Variants in FMR1 observed in about 807,000 individuals in gnomAD.
The protein encoded by FMR1 is fragile X messenger ribonucleoprotein 1, also known as FMRP translational regulator 1.
A neutral mutation model predicts 50.6 loss-of-function variants in FMR1; 13 were observed. That is an observed-to-expected ratio of 0.26 (90% CI 0.17 to 0.41). The LOEUF (loss-of-function observed/expected upper bound fraction) is 0.41, where lower values mean the gene tolerates loss of function less well. FMR1 is among the 10% of genes least tolerant of loss of function. The pLI is 1.00. For missense variants in FMR1, 316 were observed against 491.3 expected (o/e 0.64, Z 3.37); for synonymous variants, 138 against 164.1 (o/e 0.84, Z 1.22).
At chrX:147,922,663 T>C (rs1387571105) in intron 2 of FMR1, among the ~76,000 whole-genome samples, 1 of 111,970 alleles carries the variant, frequency 8.9e-6, no homozygotes, top group Non-Finnish European at 1.9e-5. Flanking sequence ...AAAGTACATA[T>C]AAACTCCTTA....
chrX:147,929,841 T>C (rs1323862746), intron 5 of FMR1, 107 bp from the exon 6 acceptor site: 35 of 551,260 alleles, frequency 6.3e-5, no homozygotes, highest in Non-Finnish European at 1.1e-4. Flanking sequence ...TTTGCATAAA[T>C]CAAATTTAAT....
intron 1 of FMR1, chrX:147,913,052 C>A (rs190171250): frequency 4.9e-6 from 1 of 206,074 alleles, no homozygotes; most frequent in African/African-American, 2.9e-5. Flanking sequence ...TTTCCAAAGA[C>A]CTAAATATAT....
chrX:147,929,104 C>T (rs2043493376), intron 5 of FMR1, among the ~76,000 whole-genome samples: 1 of 112,061 alleles, frequency 8.9e-6, no homozygotes, highest in Non-Finnish European at 1.9e-5. Flanking sequence ...GATTTAAAAA[C>T]TGATCAAACA....
At chrX:147,913,190 T>C (rs1557174283) in intron 1 of FMR1, 1 of 113,590 alleles carries the variant, frequency 8.8e-6, no homozygotes, top group African/African-American at 3.2e-5. Context: ...GGTGTTGCAG[T>C]GGACTGAATT....
chrX:147,918,452 A>G (rs2042979861), intron 1 of FMR1, among the ~76,000 whole-genome samples: 1 of 109,743 alleles, frequency 9.1e-6, no homozygotes. Context: ...CATTAACTCA[A>G]AGGCAGTGGC....
intron 7 of FMR1, 107 bp from the exon 8 acceptor site, chrX:147,932,318 T>C (rs962043947): frequency 4.3e-6 from 3 of 704,483 alleles, no homozygotes; most frequent in Non-Finnish European, 6.8e-6. Context: ...TATTAATAAT[T>C]TATGGACCCC....
At chrX:147,920,020 C>A (rs1321773856) in intron 1 of FMR1, among the ~76,000 whole-genome samples, 1 of 112,200 alleles carries the variant, frequency 8.9e-6, no homozygotes. Flanking sequence ...TTACTGAGGA[C>A]ACCGAAGTTA....
intron 1 of FMR1, among the ~76,000 whole-genome samples, chrX:147,915,021 T>A (rs1352589052): frequency 8.9e-6 from 1 of 111,833 alleles, no homozygotes; most frequent in East Asian, 2.8e-4. Context: ...GATGGAAAAA[T>A]CACATGTTGG....
chrX:147,951,106 A>T lies in FMR1; in HGVS notation c.*2262A>T, dbSNP rs1557183716. On this transcript the variant is annotated 3_prime_UTR_variant, in exon 17 of 17. Coordinates refer to ENST00000370475, the MANE Select transcript of FMR1 (RefSeq NM_002024.6). ...ATGTAAATTTTTATTAAAAAGTTGC[A>T]CTTATGAAAAAGCAAAAAATTAGTC... 4.6e-6 allele frequency: 1 copy of T among 218,316 alleles called. No individual in the cohort carries two copies. Among genetic ancestry groups the T allele is most frequent in the Non-Finnish European group, 8.6e-6 (1 of 116,154 alleles). 18.0% of individuals were successfully genotyped at this position (218,316 alleles called of 1,213,427 possible). A position where few individuals can be genotyped will look rare whatever the true frequency, so the allele number is the denominator to read the frequency against.
intron 1 of FMR1, among the ~76,000 whole-genome samples, chrX:147,919,530 A>G (rs2043052433): frequency 8.9e-6 from 1 of 112,603 alleles, no homozygotes; most frequent in Admixed American, 9.4e-5. Flanking sequence ...ATAGCTGAGT[A>G]AAAATAAGCA....
chrX:147,947,419 A>G (rs1241194222), intron 16 of FMR1: 4 of 105,233 alleles, frequency 3.8e-5, no homozygotes, highest in Non-Finnish European at 5.8e-5. Flanking sequence ...TCTCAAAAAA[A>G]AAAAAAAAGG....
rs781914097 is a variant in FMR1 at position 147,935,530 on chromosome X, G to A, written c.881-974G>A. The stretch of plus-strand genomic sequence containing the variant: ...CACATGGTGGATGTGGCCAATGTAA[G>A]GGTACTTAGGTACCTTGGGTGAGCC... On this transcript the variant is annotated intron_variant, in intron 9 of 16. Coordinates refer to ENST00000370475, the MANE Select transcript of FMR1 (RefSeq NM_002024.6). Among the ~76,000 whole-genome samples the A allele has an allele frequency of 1.5e-4, 17 of 112,359 alleles. No individual in the cohort carries two copies. In the South Asian group the frequency reaches 6.2e-3, roughly 41 times the overall value.
At chrX:147,918,983 C>T (rs781890195) in intron 1 of FMR1, among the ~76,000 whole-genome samples, 2 of 111,565 alleles carry the variant, frequency 1.8e-5, no homozygotes, top group African/African-American at 3.3e-5. Flanking sequence ...ACTTGATTTA[C>T]TTAGAACATT....
In FMR1 at chrX:147,950,989, TTG is replaced by T. The variant is rs1557183678; in HGVS notation, c.*2150_*2151del. ...TTGGAGTTCATTCATATTACAATAT[TTG>T]TGTGCTAAACGTGTATGTTTTTCAG... On this transcript the variant is annotated 3_prime_UTR_variant, in exon 17 of 17. Transcript: ENST00000370475. The T allele has an allele frequency of 3.8e-6, 1 of 260,834 alleles. No individual in the cohort carries two copies. The highest frequency in any genetic ancestry group is 7.2e-6 in the Non-Finnish European group (1 of 139,051). The allele number at this position is 260,834 out of a possible 1,213,427, so 21.5% of individuals were successfully genotyped here.
rs25727 is a variant in FMR1 at position 147,922,276 on chromosome X, T to C, written c.104+291T>C. On this transcript the variant is annotated intron_variant, in intron 2 of 16. Coordinates refer to ENST00000370475, the MANE Select transcript of FMR1 (RefSeq NM_002024.6). ...GTGTATTAGTAACTGGAAGTTCGCA[T>C]AGGAGTATTTGTAAATTTTAAAAAG... Among the ~76,000 whole-genome samples, 13,424 of 111,468 alleles carry C rather than the reference T, an allele frequency of 0.12. 670 individuals carry two copies. Among genetic ancestry groups the C allele is most frequent in the Non-Finnish European group, 0.15 (8,036 of 52,881 alleles).
chrX:147,923,136 G>A (rs782149363), intron 2 of FMR1, among the ~76,000 whole-genome samples: 5 of 111,523 alleles, frequency 4.5e-5, no homozygotes, highest in African/African-American at 1.6e-4. Context: ...AGATTCTTTT[G>A]GCTAGCAACA....
At chrX:147,935,450 G>A (rs963798816) in intron 9 of FMR1, among the ~76,000 whole-genome samples, 2 of 112,340 alleles carry the variant, frequency 1.8e-5, no homozygotes, top group Admixed American at 1.9e-4. Flanking sequence ...TTTGCCTTGA[G>A]CTTTGCCTTT....
intron 7 of FMR1, among the ~76,000 whole-genome samples, chrX:147,931,119 T>C (rs782338899): frequency 1.3e-4 from 15 of 112,013 alleles, no homozygotes; most frequent in African/African-American, 4.9e-4. Context: ...AATTGGTCTT[T>C]GCTCTCATTC....
chrX:147,931,648 G>C (rs1264449080), intron 7 of FMR1, among the ~76,000 whole-genome samples: 3 of 111,682 alleles, frequency 2.7e-5, no homozygotes, highest in African/African-American at 9.8e-5. Context: ...TTTGATAATG[G>C]TATTTAAAGA....
Sources: allele counts gnomAD v4.1 joint callset (sites outside exome capture counted in the v4.1 genomes callset), GRCh38; gene constraint gnomAD v4.1.1; transcripts MANE v1.5; gene names NCBI Gene and HGNC (gene_info 2026-07-23, HGNC 2026-07-21).